The following LRRTM4 variants were observed in gnomAD, a reference collection of about 807,000 sequenced individuals.
The protein encoded by LRRTM4 is leucine-rich repeat transmembrane neuronal protein 4.
A neutral mutation model predicts 47.6 loss-of-function variants in LRRTM4; 25 were observed. The ratio of observed to expected loss-of-function variants is 0.53; its 90% CI spans 0.38 to 0.73. LRRTM4 has a LOEUF of 0.73. Among genes scored for constraint, LRRTM4 ranks in the 30% least tolerant of loss-of-function variants. The pLI is 0.00. For synonymous variants in LRRTM4, 311 were observed against 269.5 expected, an observed-to-expected ratio of 1.15 and a Z score of -1.51; for missense variants, 638 against 713.4, an observed-to-expected ratio of 0.89 and a Z score of 1.20.
chr2:77,446,731 T>C (rs1676068737), intron 3 of LRRTM4, among the ~76,000 whole-genome samples: 1 of 152,034 alleles, frequency 6.6e-6, no homozygotes, highest in Non-Finnish European at 1.5e-5. Flanking sequence ...TACTGTAAAA[T>C]CATGATGCGC....
chr2:76,945,619 C>T lies in LRRTM4; in HGVS notation c.1552-196703G>A, dbSNP rs1675296779. 3.9e-5 allele frequency among the ~76,000 whole-genome samples: 6 copies of T among 152,084 alleles called. No individual in the cohort carries two copies. The South Asian group carries it at 1.2e-3, about 32-fold the overall frequency. On this transcript the variant is annotated intron_variant, in intron 3 of 3. Transcript: ENST00000409884. ...GAAAAAGTCCTGCATATATATACTGCAACCCCCATTCAAAGTTTTGCAATA... is the reference window on the plus strand; with the variant it reads ...GAAAAAGTCCTGCATATATATACTGTAACCCCCATTCAAAGTTTTGCAATA...
At position 77,522,178 on chromosome 2, in the gene LRRTM4, C is replaced by G; in HGVS notation, c.-217G>C. On this transcript the variant is annotated 5_prime_UTR_variant, in exon 1 of 4. Coordinates refer to ENST00000409884, the MANE Select transcript of LRRTM4 (RefSeq NM_001134745.3). ...CAATTCATCCTCTGGATTTTCAGTT[C>G]TTGAAGCAAGTAGGCCTCCTGTGCT... 2.8e-6 allele frequency: 2 copies of G among 713,554 alleles called. No homozygotes were observed. Among genetic ancestry groups the G allele is most frequent in the Non-Finnish European group, 5.2e-6 (2 of 382,824 alleles). The allele number at this position is 713,554 out of a possible 1,614,324, so 44.2% of individuals were successfully genotyped here.
chr2:76,945,694 G>A (rs181449295), intron 3 of LRRTM4, among the ~76,000 whole-genome samples: 10 of 151,842 alleles, frequency 6.6e-5, no homozygotes, highest in Admixed American at 1.3e-4. Context: ...AGTCTAAGAC[G>A]AAAACAATTT....
rs556029458 is a variant in LRRTM4 at position 76,895,836 on chromosome 2, G to A, written c.1552-146920C>T. Among the ~76,000 whole-genome samples the A allele has an allele frequency of 1.1e-4, 16 of 152,164 alleles. 1 individual carries two copies. The East Asian group carries it at 1.7e-3, about 17-fold the overall frequency. ...CTGTGGAGGGTGGTAACACAACCCCGATTACTTACCTTGACAACTGAATTA... is the reference window on the plus strand; with the variant it reads ...CTGTGGAGGGTGGTAACACAACCCCAATTACTTACCTTGACAACTGAATTA... On this transcript the variant is annotated intron_variant, in intron 3 of 3. Coordinates refer to ENST00000409884, the MANE Select transcript of LRRTM4 (RefSeq NM_001134745.3).
At chr2:77,062,938 T>C (rs887263717) in intron 3 of LRRTM4, among the ~76,000 whole-genome samples, 2 of 145,124 alleles carry the variant, frequency 1.4e-5, no homozygotes, top group Non-Finnish European at 3.0e-5. Context: ...CTTGTTCTTT[T>C]TTAAAATTAT....
chr2:77,280,072 T>C (rs75620492), intron 3 of LRRTM4, among the ~76,000 whole-genome samples: 3,160 of 152,088 alleles, frequency 0.021, 84 homozygotes, highest in African/African-American at 0.071. Flanking sequence ...TGCCATTAAG[T>C]AGCGAGATTA....
At chr2:77,104,068 A>C (rs1421783169) in intron 3 of LRRTM4, among the ~76,000 whole-genome samples, 1 of 152,144 alleles carries the variant, frequency 6.6e-6, no homozygotes, top group Non-Finnish European at 1.5e-5. Context: ...TATTTTTCAA[A>C]CCTTCTCCTC....
chr2:76,878,840 C>T (rs1006609740), intron 3 of LRRTM4, among the ~76,000 whole-genome samples: 10 of 152,106 alleles, frequency 6.6e-5, no homozygotes, highest in East Asian at 1.9e-4. Context: ...CGCCACTGCA[C>T]TCCAGCCTGG....
At chr2:77,088,231 C>G (rs1293745965) in intron 3 of LRRTM4, among the ~76,000 whole-genome samples, 3 of 152,156 alleles carry the variant, frequency 2.0e-5, no homozygotes, top group Non-Finnish European at 4.4e-5. Flanking sequence ...AAATGGGTAT[C>G]ACACAGAACA....
chr2:77,371,939 G>A (rs1672670316), intron 3 of LRRTM4, among the ~76,000 whole-genome samples: 1 of 151,676 alleles, frequency 6.6e-6, no homozygotes, highest in East Asian at 1.9e-4. Context: ...CAAAATTTAT[G>A]GGTAAGAAAC....
rs1038228158 is a variant in LRRTM4 at position 77,518,543 on chromosome 2, C to T, written c.1326G>A (p.Val442=). ...LFLSVAMILL[V]IYVSWKRYPA... ...GGTAGCGTTTCCAAGACACATAGAT[C>T]ACCAAGAGGATCATGGCCACTGAGA... The change falls in exon 3 of 4, where the codon GTG becomes GTA. Residue 442 remains valine (V), a synonymous_variant. Coordinates refer to ENST00000409884, the MANE Select transcript of LRRTM4 (RefSeq NM_001134745.3). The T allele has an allele frequency of 6.2e-7, 1 of 1,613,370 alleles. No individual in the cohort carries two copies. Among genetic ancestry groups the T allele is most frequent in the South Asian group, 1.1e-5 (1 of 91,070 alleles).
intron 3 of LRRTM4, among the ~76,000 whole-genome samples, chr2:77,369,044 T>A (rs1672560270): frequency 6.6e-6 from 1 of 151,780 alleles, no homozygotes; most frequent in Non-Finnish European, 1.5e-5. Flanking sequence ...CAAACAGGTA[T>A]GAGGTAATAT....
chr2:77,282,117 A>C (rs554720454), intron 3 of LRRTM4, among the ~76,000 whole-genome samples: 6 of 151,870 alleles, frequency 4.0e-5, no homozygotes, highest in Non-Finnish European at 8.8e-5. Flanking sequence ...TATTTCTTTT[A>C]AGAGTGTCTT....
chr2:77,433,925 A>G (rs1464849470), intron 3 of LRRTM4, among the ~76,000 whole-genome samples: 1 of 152,154 alleles, frequency 6.6e-6, no homozygotes, highest in African/African-American at 2.4e-5. Flanking sequence ...ATTTTAACCC[A>G]TCTGAGCTTC....
intron 3 of LRRTM4, among the ~76,000 whole-genome samples, chr2:76,754,992 C>T (rs1438107844): frequency 2.0e-5 from 3 of 152,166 alleles, no homozygotes; most frequent in African/African-American, 7.2e-5. Flanking sequence ...ATATTGCCAA[C>T]CTCCACAGAC....
chr2:77,194,964 TAA>T (rs1311308264), intron 3 of LRRTM4, among the ~76,000 whole-genome samples: 2 of 152,110 alleles, frequency 1.3e-5, no homozygotes, highest in Non-Finnish European at 2.9e-5. Flanking sequence ...AACATAGTTA[TAA>T]GATAAAAATA....
intron 3 of LRRTM4, among the ~76,000 whole-genome samples, chr2:76,872,413 G>A (rs1002733830): frequency 6.6e-6 from 1 of 151,860 alleles, no homozygotes; most frequent in Admixed American, 6.6e-5. Context: ...CTCCCTACTT[G>A]GCTATATTGC....
At chr2:77,393,590 G>A (rs746752812) in intron 3 of LRRTM4, among the ~76,000 whole-genome samples, 1 of 151,976 alleles carries the variant, frequency 6.6e-6, no homozygotes, top group Non-Finnish European at 1.5e-5. Context: ...AAGGCTCTGG[G>A]GAAATATTGG....
At chr2:77,116,054 A>G (rs1238084087) in intron 3 of LRRTM4, among the ~76,000 whole-genome samples, 1 of 152,148 alleles carries the variant, frequency 6.6e-6, no homozygotes, top group Non-Finnish European at 1.5e-5. Flanking sequence ...GCAGAGATAC[A>G]TAGGACTGGA....
Sources: allele counts gnomAD v4.1 joint callset (sites outside exome capture counted in the v4.1 genomes callset), GRCh38; gene constraint gnomAD v4.1.1; transcripts MANE v1.5; gene names NCBI Gene and HGNC (gene_info 2026-07-23, HGNC 2026-07-21).